Variants in SIPA1L2 observed in about 807,000 individuals in gnomAD.
The protein encoded by SIPA1L2 is signal induced proliferation associated 1 like 2.
A neutral mutation model predicts 163.9 loss-of-function variants in SIPA1L2; 56 were observed. That is an observed-to-expected ratio of 0.34 (90% CI 0.28 to 0.43). SIPA1L2 has a LOEUF of 0.43. Ranked by LOEUF, SIPA1L2 falls within the 20% of genes least tolerant of loss-of-function variation. SIPA1L2 has a pLI of 1.00. For synonymous variants in SIPA1L2, 877 were observed against 865.7 expected (o/e 1.01, Z -0.23); for missense variants, 1,974 against 2,193.5 (o/e 0.90, Z 2.00).
At chr1:232,516,503 T>C (rs771297357) in intron 2 of SIPA1L2, among the ~76,000 whole-genome samples, 18 of 152,220 alleles carry the variant, frequency 1.2e-4, no homozygotes, top group Non-Finnish European at 2.1e-4. Context: ...GGATAGTGTG[T>C]CTGTTCTGTC....
intron 3 of SIPA1L2, among the ~76,000 whole-genome samples, chr1:232,502,428 T>A (rs1666528279): frequency 6.6e-6 from 1 of 152,152 alleles, no homozygotes; most frequent in Admixed American, 6.5e-5. Context: ...ACCTGAGAGG[T>A]TACACTGCAC....
rs1662550034 is a variant in SIPA1L2 at position 232,617,257 on chromosome 1, T to C, written c.-319+12612A>G. 6.6e-5 allele frequency among the ~76,000 whole-genome samples: 10 copies of C among 152,330 alleles called. 1 individual carries two copies. In the South Asian group the frequency reaches 2.1e-3, roughly 32 times the overall value. ...GCCTGAGCCAGGCCCGCAGCAAGTG[T>C]CAGCCAACTAACAAAAGAAGCACCT... On this transcript the variant is annotated intron_variant, in intron 1 of 22. Coordinates refer to ENST00000674635, the MANE Select transcript of SIPA1L2 (RefSeq NM_020808.5).
chr1:232,495,576 A>T (rs1270209842), intron 3 of SIPA1L2, among the ~76,000 whole-genome samples: 2 of 151,996 alleles, frequency 1.3e-5, no homozygotes, highest in African/African-American at 4.8e-5. Context: ...AAAAAAAAAA[A>T]AAAAAGATGA....
At chr1:232,492,949 G>A (rs1433698485) in intron 4 of SIPA1L2, among the ~76,000 whole-genome samples, 4 of 152,078 alleles carry the variant, frequency 2.6e-5, no homozygotes, top group South Asian at 2.1e-4. Context: ...GGGAGGGGCC[G>A]GGGGCAAAAT....
At chr1:232,612,315 A>T (rs1253082000) in intron 1 of SIPA1L2, among the ~76,000 whole-genome samples, 1 of 152,138 alleles carries the variant, frequency 6.6e-6, no homozygotes, top group Admixed American at 6.5e-5. Context: ...TGCCTAGTGG[A>T]GCTGTGAGAA....
At chr1:232,435,832 C>T (rs1270064425) in intron 15 of SIPA1L2, among the ~76,000 whole-genome samples, 2 of 152,202 alleles carry the variant, frequency 1.3e-5, no homozygotes, top group Non-Finnish European at 2.9e-5. Flanking sequence ...TCCTGTTCCC[C>T]TACCCTCTTC....
chr1:232,629,667 G>A (rs2102903571), intron 1 of SIPA1L2, among the ~76,000 whole-genome samples: 1 of 152,220 alleles, frequency 6.6e-6, no homozygotes, highest in East Asian at 1.9e-4. Context: ...CCGGGGATCG[G>A]GAGCGCGGGC....
At chr1:232,589,667 C>T (rs1660865115) in intron 1 of SIPA1L2, among the ~76,000 whole-genome samples, 1 of 152,220 alleles carries the variant, frequency 6.6e-6, no homozygotes, top group African/African-American at 2.4e-5. Context: ...AAGCACTGTT[C>T]TCCAGTGGAT....
At position 232,399,084 on chromosome 1, in the gene SIPA1L2, C is replaced by G; in HGVS notation, c.*43G>C. The G allele has an allele frequency of 6.2e-7, 1 of 1,612,814 alleles. No homozygotes were observed. Among genetic ancestry groups the G allele is most frequent in the Non-Finnish European group, 8.5e-7 (1 of 1,179,274 alleles). On this transcript the variant is annotated 3_prime_UTR_variant, in exon 23 of 23. Transcript: ENST00000674635. ...CCACATGTTTGTGACTTCAAAGGGA[C>G]AAGGGGCATTTCCCAGTGGTCCCTT... is the stretch of plus-strand genomic sequence containing the variant.
At chr1:232,625,960 A>G (rs1663052385) in intron 1 of SIPA1L2, among the ~76,000 whole-genome samples, 2 of 152,224 alleles carry the variant, frequency 1.3e-5, no homozygotes, top group African/African-American at 4.8e-5. Context: ...TCATTGACCC[A>G]TGCAAAAGAA....
At chr1:232,616,750 G>A (rs1289475479) in intron 1 of SIPA1L2, among the ~76,000 whole-genome samples, 2 of 152,182 alleles carry the variant, frequency 1.3e-5, no homozygotes, top group African/African-American at 4.8e-5. Flanking sequence ...CACCTTGATG[G>A]CACATTCCAC....
chr1:232,483,165 G>T (rs2102977192), intron 6 of SIPA1L2, among the ~76,000 whole-genome samples: 1 of 152,114 alleles, frequency 6.6e-6, no homozygotes, highest in East Asian at 1.9e-4. Flanking sequence ...TTTTGGATTG[G>T]TCAGTCAATC....
intron 1 of SIPA1L2, among the ~76,000 whole-genome samples, chr1:232,606,815 A>G (rs190512594): frequency 5.3e-5 from 8 of 152,080 alleles, no homozygotes; most frequent in African/African-American, 1.7e-4. Context: ...TAATTTTCAA[A>G]GCATACGTGA....
intron 16 of SIPA1L2, among the ~76,000 whole-genome samples, chr1:232,431,787 C>T (rs570582537): frequency 6.6e-5 from 10 of 152,172 alleles, no homozygotes; most frequent in African/African-American, 1.4e-4. Flanking sequence ...TCCTTTCCTA[C>T]GTGCCCACCA....
At chr1:232,441,168 C>T in intron 14 of SIPA1L2, 123 bp downstream of exon 14, 1 of 699,346 alleles carries the variant, frequency 1.4e-6, no homozygotes, top group Non-Finnish European at 2.3e-6. Context: ...TTTAACCTCA[C>T]CTCTAAGAGC....
intron 2 of SIPA1L2, among the ~76,000 whole-genome samples, chr1:232,572,393 G>A (rs376243352): frequency 2.6e-5 from 4 of 151,982 alleles, no homozygotes; most frequent in South Asian, 4.2e-4. Context: ...TTTTACTTCC[G>A]CATCAGAATT....
At chr1:232,455,618 TTGCAGCGAGGC>T (rs1663855072) in intron 10 of SIPA1L2, among the ~76,000 whole-genome samples, 1 of 71,730 alleles carries the variant, frequency 1.4e-5, no homozygotes, top group African/African-American at 6.8e-5. Flanking sequence ...GAGGCGGAGC[TTGCAGCGAGGC>T]GGAGCTTGCA....
At chr1:232,535,419 C>G (rs1322099646) in intron 2 of SIPA1L2, among the ~76,000 whole-genome samples, 1 of 152,086 alleles carries the variant, frequency 6.6e-6, no homozygotes, top group Non-Finnish European at 1.5e-5. Flanking sequence ...TGAAATATGA[C>G]ACAAACAGAA....
Position 232,425,824 on chromosome 1 carries a change from G to A in SIPA1L2, c.4411-16C>T, listed in dbSNP as rs1490194089. ...AGAACGAAAACTAGGGTTTAAACAAGGTGCGAGGAGGGAACAGACATTAAA... is the reference window on the plus strand; with the variant it reads ...AGAACGAAAACTAGGGTTTAAACAAAGTGCGAGGAGGGAACAGACATTAAA... On this transcript the variant is annotated splice_polypyrimidine_tract_variant and intron_variant, in intron 17 of 22. Transcript: ENST00000674635. The A allele has an allele frequency of 3.1e-6, 5 of 1,606,822 alleles. No homozygotes were observed. Among genetic ancestry groups the A allele is most frequent in the Non-Finnish European group, 3.4e-6 (4 of 1,174,496 alleles).
Sources: allele counts gnomAD v4.1 joint callset (sites outside exome capture counted in the v4.1 genomes callset), GRCh38; gene constraint gnomAD v4.1.1; transcripts MANE v1.5; gene names NCBI Gene and HGNC (gene_info 2026-07-23, HGNC 2026-07-21).